SPAG6: variants seen among roughly 807,000 people sequenced by gnomAD.
The protein encoded by SPAG6 is sperm associated antigen 6.
Under a neutral mutation model 58.5 loss-of-function variants are expected in SPAG6, and 49 were observed. The ratio of observed to expected loss-of-function variants is 0.84; its 90% CI spans 0.67 to 1.06. SPAG6 has a LOEUF of 1.06. Ranked by LOEUF, SPAG6 falls within the 50% of genes least tolerant of loss-of-function variation. The pLI, the probability that SPAG6 is intolerant of heterozygous loss-of-function variation, is 0.00. For missense variants in SPAG6, 560 were observed against 611.3 expected, an observed-to-expected ratio of 0.92 and a Z score of 0.89; for synonymous variants, 233 against 225.6, an observed-to-expected ratio of 1.03 and a Z score of -0.29.
intron 3 of SPAG6, among the ~76,000 whole-genome samples, chr10:22,367,475 C>T (rs1837230314): frequency 6.6e-6 from 1 of 152,032 alleles, no homozygotes; most frequent in African/African-American, 2.4e-5. Flanking sequence ...CTGTAATTTT[C>T]ATTGTATCAA....
chr10:22,358,796 A>G (rs1245050641), intron 2 of SPAG6, among the ~76,000 whole-genome samples: 2 of 152,252 alleles, frequency 1.3e-5, no homozygotes, highest in Non-Finnish European at 2.9e-5. Flanking sequence ...AGCTTTCTAC[A>G]TATGGCTAGC....
intron 9 of SPAG6, among the ~76,000 whole-genome samples, chr10:22,403,065 A>G (rs561653045): frequency 1.3e-5 from 2 of 152,352 alleles, no homozygotes; most frequent in East Asian, 3.9e-4. Context: ...CAGCCCCAAG[A>G]TAAAATAAAT....
chr10:22,378,642 T>C (rs891817961), intron 4 of SPAG6, among the ~76,000 whole-genome samples: 2 of 152,156 alleles, frequency 1.3e-5, no homozygotes, highest in African/African-American at 2.4e-5. Flanking sequence ...TTCAGCTTGG[T>C]CTCAGCTGTT....
rs981957302 is a variant in SPAG6, at chr10:22,401,795, A to C, written c.1314+518A>C. Among the ~76,000 whole-genome samples, 44 of 152,210 alleles carry C rather than the reference A, an allele frequency of 2.9e-4. 1 individual carries two copies. The highest frequency in any genetic ancestry group is 9.9e-4 in the African/African-American group (41 of 41,452). On this transcript the variant is annotated intron_variant, in intron 9 of 10. Transcript: ENST00000376624. The stretch of plus-strand genomic sequence containing the variant: ...TGCAGATTAAATGATAGTAAATGGT[A>C]GTAAGGTAGAAAGGTCAAGCTGCTA...
At chr10:22,412,491 A>G (rs1834765404) in intron 10 of SPAG6, 3 of 1,530,230 alleles carry the variant, frequency 2.0e-6, no homozygotes. Flanking sequence ...TAGGAAGTTT[A>G]TGAGAACTCC....
chr10:22,361,769 T>C (rs577571369), intron 2 of SPAG6, among the ~76,000 whole-genome samples: 21 of 152,126 alleles, frequency 1.4e-4, no homozygotes, highest in African/African-American at 3.9e-4. Context: ...TTCTAAATTA[T>C]AAACTAAAAT....
Position 22,387,869 on chromosome 10 carries a change from A to G in SPAG6, c.725A>G (p.Asp242Gly). The change falls in exon 6 of 11, where the codon GAT becomes GGT. Residue 242 changes from aspartate (D) to glycine (G), a missense_variant. Asp to Gly is a moderately conservative substitution (Grantham distance 94). Coordinates refer to ENST00000376624, the MANE Select transcript of SPAG6 (RefSeq NM_012443.4). ...AGTCAGGTTTCAAAACATTCCGTGGATCTGGCAGAAATGGTTGTTGAAGCA... is the reference window on the plus strand; with the variant it reads ...AGTCAGGTTTCAAAACATTCCGTGGGTCTGGCAGAAATGGTTGTTGAAGCA... ...ALSQVSKHSV[D>G]LAEMVVEAEI... 6.2e-7 allele frequency: 1 copy of G among 1,613,366 alleles called. No individual in the cohort carries two copies. Among genetic ancestry groups the G allele is most frequent in the Non-Finnish European group, 8.5e-7 (1 of 1,179,718 alleles).
intron 4 of SPAG6, among the ~76,000 whole-genome samples, chr10:22,379,178 C>T (rs373087703): frequency 1.3e-5 from 2 of 152,262 alleles, no homozygotes; most frequent in African/African-American, 4.8e-5. Flanking sequence ...TCACTTCCAC[C>T]TGCAATTGGA....
intron 6 of SPAG6, among the ~76,000 whole-genome samples, chr10:22,388,328 G>A (rs1485413868): frequency 6.6e-6 from 1 of 152,076 alleles, no homozygotes; most frequent in African/African-American, 2.4e-5. Context: ...AGAACACTGG[G>A]TTATATTAGC....
At chr10:22,386,453 C>T (rs527651188) in intron 4 of SPAG6, among the ~76,000 whole-genome samples, 1 of 151,168 alleles carries the variant, frequency 6.6e-6, no homozygotes, top group Non-Finnish European at 1.5e-5. Context: ...ATTGTCAGAG[C>T]TTAAACAGCT....
At chr10:22,394,813 C>T (rs1834256621) in intron 8 of SPAG6, among the ~76,000 whole-genome samples, 1 of 152,128 alleles carries the variant, frequency 6.6e-6, no homozygotes, top group Admixed American at 6.6e-5. Context: ...CCCAAGTGAT[C>T]CTCCTGCCTT....
intron 2 of SPAG6, among the ~76,000 whole-genome samples, chr10:22,361,998 ATATT>A (rs1837054796): frequency 6.8e-6 from 1 of 146,854 alleles, no homozygotes; most frequent in African/African-American, 2.5e-5. Flanking sequence ...ATAAATATAT[ATATT>A]TATTTCATAT....
intron 10 of SPAG6, among the ~76,000 whole-genome samples, chr10:22,411,939 C>T (rs924768568): frequency 1.3e-5 from 2 of 149,756 alleles, no homozygotes; most frequent in Non-Finnish European, 2.9e-5. Flanking sequence ...AGCTCCACCT[C>T]CCAGGTTCAC....
In SPAG6 at chr10:22,400,936, A is replaced by C. The variant is rs190894393; in HGVS notation, c.1198-225A>C. 1.5e-3 allele frequency among the ~76,000 whole-genome samples: 234 copies of C among 152,310 alleles called. 3 individuals carry two copies. The highest frequency in any genetic ancestry group is 2.6e-3 in the Non-Finnish European group (179 of 68,034). On this transcript the variant is annotated intron_variant, in intron 8 of 10. Transcript: ENST00000376624. ...AGGTATTTTAAGAGCTCAGTAATAC[A>C]CTTTACATTTTAAGGCTTAACACAA...
rs1272513498 is a variant in SPAG6, at chr10:22,401,275, A to T, written c.1312A>T (p.Lys438Ter). 2.8e-6 allele frequency: 4 copies of T among 1,453,902 alleles called. No individual in the cohort carries two copies. Among genetic ancestry groups the T allele is most frequent in the Non-Finnish European group, 3.9e-6 (4 of 1,036,860 alleles). The allele number at this position is 1,453,902 out of a possible 1,614,324, so 90.1% of individuals were successfully genotyped here. ...ILKHVVGQFS[K>*]VLPHDSKARR... ...GAAACATGTGGTTGGACAGTTCAGT[A>T]AGGTAAGAAATGCCAGCCTCTAAGG... The change falls in exon 9 of 11, where the codon AAG becomes TAG. Residue 438 changes from lysine (K) to a stop codon, truncating the protein, a stop_gained and splice_region_variant. Transcript: ENST00000376624. LOFTEE classifies it high-confidence loss of function.
chr10:22,374,759 G>C (rs976399325), intron 4 of SPAG6, among the ~76,000 whole-genome samples: 2 of 151,772 alleles, frequency 1.3e-5, no homozygotes, highest in African/African-American at 2.4e-5. Flanking sequence ...CTGGGCAACA[G>C]AGTGAGACCC....
At chr10:22,376,008 A>C (rs1221464711) in intron 4 of SPAG6, among the ~76,000 whole-genome samples, 1 of 152,188 alleles carries the variant, frequency 6.6e-6, no homozygotes, top group African/African-American at 2.4e-5. Context: ...GCCTCTATTC[A>C]CATGAGACTT....
intron 7 of SPAG6, among the ~76,000 whole-genome samples, chr10:22,390,252 A>G (rs1317549867): frequency 2.0e-5 from 3 of 152,174 alleles, no homozygotes; most frequent in Admixed American, 6.6e-5. Flanking sequence ...GGTCACGGTA[A>G]GGATGTTACT....
Position 22,416,828 on chromosome 10 carries a change from T to C in SPAG6, c.*140T>C, listed in dbSNP as rs1023889430. On this transcript the variant is annotated 3_prime_UTR_variant, in exon 11 of 11. Coordinates refer to ENST00000376624, the MANE Select transcript of SPAG6 (RefSeq NM_012443.4). ...CTTTAGATAATATTTTCTAAATTTATGTAATACTTTAAACATTCGTAGCTT... is the reference window on the plus strand; with the variant it reads ...CTTTAGATAATATTTTCTAAATTTACGTAATACTTTAAACATTCGTAGCTT... 1 of 520,226 alleles carries C rather than the reference T, an allele frequency of 1.9e-6. No individual in the cohort carries two copies. Among genetic ancestry groups the C allele is most frequent in the Non-Finnish European group, 3.5e-6 (1 of 287,994 alleles). 32.2% of individuals were successfully genotyped at this position (520,226 alleles called of 1,614,324 possible).
Sources: gnomAD v4.1 joint callset for allele counts (sites outside exome capture counted in the v4.1 genomes callset) on GRCh38, gnomAD v4.1.1 for gene constraint, MANE v1.5 for transcripts, NCBI Gene and HGNC (gene_info 2026-07-23, HGNC 2026-07-21) for gene names.